ATG10: variants seen among roughly 807,000 people sequenced by gnomAD.
ATG10 encodes autophagy related 10, also known as ubiquitin-like-conjugating enzyme ATG10.
Under a neutral mutation model 32.1 loss-of-function variants are expected in ATG10, and 30 were observed. That is an observed-to-expected ratio of 0.94 (90% CI 0.70 to 1.27). The LOEUF (loss-of-function observed/expected upper bound fraction) is 1.27. Among genes scored for constraint, ATG10 ranks in the 50% most tolerant of loss-of-function variants. The pLI is 0.00. For synonymous variants in ATG10, 87 were observed against 91.5 expected, an observed-to-expected ratio of 0.95 and a Z score of 0.28; for missense variants, 233 against 262.3, an observed-to-expected ratio of 0.89 and a Z score of 0.77.
At chr5:82,107,118 T>A (rs1411762912) in intron 3 of ATG10, among the ~76,000 whole-genome samples, 1 of 152,038 alleles carries the variant, frequency 6.6e-6, no homozygotes, top group East Asian at 1.9e-4. Flanking sequence ...TAATCAATTT[T>A]AAAAATATAT....
chr5:82,050,034 A>C (rs780079262), intron 2 of ATG10, among the ~76,000 whole-genome samples: 11 of 152,086 alleles, frequency 7.2e-5, no homozygotes, highest in Non-Finnish European at 1.2e-4. Flanking sequence ...CTCTGACCCA[A>C]TTTTGTAATT....
intron 4 of ATG10, among the ~76,000 whole-genome samples, chr5:82,167,135 A>G (rs1052717870): frequency 6.6e-6 from 1 of 152,178 alleles, no homozygotes; most frequent in Admixed American, 6.5e-5. Context: ...GCCAATTACT[A>G]GTAGCCCAAG....
chr5:81,998,694 A>T (rs567892401), intron 2 of ATG10, among the ~76,000 whole-genome samples: 8 of 152,230 alleles, frequency 5.3e-5, no homozygotes, highest in South Asian at 2.1e-4. Context: ...ATGAAGAAAA[A>T]TCTACCGAGA....
In ATG10 at chr5:82,017,941, A is replaced by G. The variant is rs10462376; in HGVS notation, c.108+30263A>G. On this transcript the variant is annotated intron_variant, in intron 2 of 7. Coordinates refer to ENST00000282185, the MANE Select transcript of ATG10 (RefSeq NM_031482.5). ...CCACAGTCTCATAATATTAGTGCCC[A>G]TGAGCAGTCCTATGTCTTATTCTCA... Among the ~76,000 whole-genome samples, 7 of 152,062 alleles carry G rather than the reference A, an allele frequency of 4.6e-5. No individual in the cohort carries two copies. In the East Asian group the frequency reaches 1.2e-3, roughly 25 times the overall value.
chr5:82,139,939 G>T (rs1460853825), intron 3 of ATG10, among the ~76,000 whole-genome samples: 234 of 37,724 alleles, frequency 6.2e-3, no homozygotes, highest in African/African-American at 0.017. Flanking sequence ...GGAGGGAGGT[G>T]GGGGGGTCAG....
chr5:82,169,670 T>C (rs1194547436), intron 4 of ATG10, among the ~76,000 whole-genome samples: 2 of 152,206 alleles, frequency 1.3e-5, no homozygotes, highest in Non-Finnish European at 1.5e-5. Flanking sequence ...GTTACACATA[T>C]GTTTATGTAG....
intron 4 of ATG10, among the ~76,000 whole-genome samples, chr5:82,167,752 C>T (rs1581762980): frequency 6.6e-6 from 1 of 152,306 alleles, no homozygotes; most frequent in African/African-American, 2.4e-5. Context: ...GGCAGACAGC[C>T]AAGTTGAGAC....
intron 4 of ATG10, among the ~76,000 whole-genome samples, chr5:82,172,035 A>G (rs1157333608): frequency 7.9e-5 from 12 of 152,158 alleles, no homozygotes; most frequent in Non-Finnish European, 1.6e-4. Flanking sequence ...AGCTATGACT[A>G]CCTTGAGCTG....
intron 3 of ATG10, among the ~76,000 whole-genome samples, chr5:82,130,996 C>G (rs1766496117): frequency 6.6e-6 from 1 of 152,096 alleles, no homozygotes; most frequent in Non-Finnish European, 1.5e-5. Flanking sequence ...GCTACATTTT[C>G]TCACTTATAA....
At chr5:82,234,041 A>G (rs180697080) in intron 5 of ATG10, among the ~76,000 whole-genome samples, 1 of 152,134 alleles carries the variant, frequency 6.6e-6, no homozygotes, top group African/African-American at 2.4e-5. Flanking sequence ...AGATTATAAG[A>G]ATGTAAATAT....
chr5:82,211,582 T>C (rs1166625409), intron 5 of ATG10, among the ~76,000 whole-genome samples: 1 of 152,216 alleles, frequency 6.6e-6, no homozygotes. Flanking sequence ...GAACTTTGGC[T>C]CTCTCAAGAG....
intron 3 of ATG10, among the ~76,000 whole-genome samples, chr5:82,063,537 G>C (rs1256413717): frequency 6.6e-6 from 1 of 150,788 alleles, no homozygotes; most frequent in Non-Finnish European, 1.5e-5. Context: ...CTGTTGCCCA[G>C]GCTGGACTGC....
chr5:82,084,202 C>T (rs1049655170), intron 3 of ATG10, among the ~76,000 whole-genome samples: 3 of 152,032 alleles, frequency 2.0e-5, no homozygotes, highest in African/African-American at 7.2e-5. Context: ...CTTCAGTAGC[C>T]AATCTGATCA....
rs530371742 is a variant in ATG10 at position 82,212,791 on chromosome 5, G to A, written c.453+34204G>A. Among the ~76,000 whole-genome samples the A allele has an allele frequency of 1.2e-3, 176 of 152,122 alleles. 2 individuals are homozygous for A. The highest frequency in any genetic ancestry group is 2.4e-3 in the Admixed American group (36 of 15,302). On this transcript the variant is annotated intron_variant, in intron 5 of 7. Coordinates refer to ENST00000282185, the MANE Select transcript of ATG10 (RefSeq NM_031482.5). ...TTCTCAAGTTCATCCTATATTGGACGTGTAAATGTTAGAGTACCCCAGGGC... is the reference window on the plus strand; with the variant it reads ...TTCTCAAGTTCATCCTATATTGGACATGTAAATGTTAGAGTACCCCAGGGC...
rs995788402 is a variant in ATG10, at chr5:82,008,806, A to G, written c.108+21128A>G. ...CACATTAAACAGTGTCAAAGGACAG[A>G]TTATGTCTATATCTAATCTGACTTA... On this transcript the variant is annotated intron_variant, in intron 2 of 7. Coordinates refer to ENST00000282185, the MANE Select transcript of ATG10 (RefSeq NM_031482.5). Among the ~76,000 whole-genome samples the G allele has an allele frequency of 6.6e-5, 10 of 152,332 alleles. 1 individual carries two copies. Among genetic ancestry groups the G allele is most frequent in the Admixed American group, 5.2e-4 (8 of 15,306 alleles).
chr5:82,106,170 T>A (rs1276147358), intron 3 of ATG10, among the ~76,000 whole-genome samples: 1 of 152,170 alleles, frequency 6.6e-6, no homozygotes, highest in African/African-American at 2.4e-5. Context: ...TTACTTTCTT[T>A]AAAACATAAC....
chr5:82,194,311 ATT>A (rs1561350522), intron 5 of ATG10, among the ~76,000 whole-genome samples: 1 of 152,114 alleles, frequency 6.6e-6, no homozygotes, highest in Non-Finnish European at 1.5e-5. Flanking sequence ...AAGAGGTCTT[ATT>A]TGCAGAAAGT....
chr5:81,978,128 G>A (rs1406783900), intron 1 of ATG10, among the ~76,000 whole-genome samples: 3 of 152,028 alleles, frequency 2.0e-5, no homozygotes, highest in Non-Finnish European at 4.4e-5. Context: ...GGAGTGCAAT[G>A]GCATGATCTC....
At chr5:82,195,923 A>G (rs1431994396) in intron 5 of ATG10, among the ~76,000 whole-genome samples, 4 of 152,196 alleles carry the variant, frequency 2.6e-5, no homozygotes, top group Non-Finnish European at 4.4e-5. Context: ...TGGGTCATGT[A>G]GTAACACTAT....
Sources: allele counts gnomAD v4.1 joint callset (sites outside exome capture counted in the v4.1 genomes callset), GRCh38; gene constraint gnomAD v4.1.1; transcripts MANE v1.5; gene names NCBI Gene and HGNC (gene_info 2026-07-23, HGNC 2026-07-21).